PER3: variants seen among roughly 807,000 people sequenced by gnomAD.
PER3 encodes period circadian regulator 3, also known as period circadian protein homolog 3.
A neutral mutation model predicts 127.2 loss-of-function variants in PER3; 107 were observed. The observed-to-expected ratio is 0.84, with a 90% CI of 0.72 to 0.99. The LOEUF (loss-of-function observed/expected upper bound fraction) is 0.99, where lower values mean the gene tolerates loss of function less well. Ranked by LOEUF, PER3 falls within the 50% of genes least tolerant of loss-of-function variation. The pLI is 0.00. For missense variants in PER3, 1,560 were observed against 1,525.8 expected (o/e 1.02, Z -0.37); for synonymous variants, 618 against 585.8 (o/e 1.05, Z -0.79).
At chr1:7,787,475 C>G in intron 4 of PER3, 1 of 464,860 alleles carries the variant, frequency 2.2e-6, no homozygotes, top group Non-Finnish European at 4.2e-6. Flanking sequence ...GTACATAGTA[C>G]TGTAGGAGGT....
chr1:7,798,729 G>A (rs2097157021), intron 7 of PER3, 56 bp downstream of exon 7: 1 of 1,407,932 alleles, frequency 7.1e-7, no homozygotes, highest in African/African-American at 1.4e-5. Flanking sequence ...ACATGGGAAA[G>A]TCTGTTTACG....
chr1:7,803,969 C>A, intron 10 of PER3, 121 bp downstream of exon 10: 2 of 801,314 alleles, frequency 2.5e-6, no homozygotes, highest in Non-Finnish European at 2.0e-6. Context: ...GATTTGTTTT[C>A]GGTGCTTTGG....
chr1:7,812,624 CAAAAAAAAAAAAAA>C (rs35962033), intron 13 of PER3, among the ~76,000 whole-genome samples: 1 of 85,388 alleles, frequency 1.2e-5, no homozygotes, highest in Non-Finnish European at 2.1e-5. Flanking sequence ...GACTCCGTCT[CAAAAAAAAAAAAAA>C]AAAAAAAAAA....
At chr1:7,789,259 TC>T (rs2097107663) in intron 5 of PER3, among the ~76,000 whole-genome samples, 1 of 152,084 alleles carries the variant, frequency 6.6e-6, no homozygotes, top group Admixed American at 6.5e-5. Flanking sequence ...TTTGGCTGTG[TC>T]CCCACCCAAA....
intron 19 of PER3, among the ~76,000 whole-genome samples, chr1:7,833,379 G>T (rs1222760372): frequency 6.6e-5 from 10 of 152,174 alleles, no homozygotes; most frequent in Admixed American, 4.6e-4. Context: ...AGCTATAAAT[G>T]TGAATTTCTC....
intron 1 of PER3, 53 bp from the exon 2 acceptor site, chr1:7,784,601 C>T: frequency 3.3e-6 from 1 of 299,252 alleles, no homozygotes; most frequent in Non-Finnish European, 6.1e-6. Flanking sequence ...GGGCCGCTGG[C>T]GTCGGACTGT....
chr1:7,789,908 TC>T (rs754830375), intron 5 of PER3, among the ~76,000 whole-genome samples: 1 of 152,222 alleles, frequency 6.6e-6, no homozygotes, highest in Non-Finnish European at 1.5e-5. Flanking sequence ...TTATTTCTCA[TC>T]CCCTTTCCTA....
chr1:7,797,108 C>T (rs1179155163), intron 6 of PER3, among the ~76,000 whole-genome samples: 3 of 152,106 alleles, frequency 2.0e-5, no homozygotes, highest in African/African-American at 7.2e-5. Flanking sequence ...TTTGGGTCAT[C>T]AGCGTGTAAA....
At position 7,830,303 on chromosome 1, in the gene PER3, A is replaced by G. The variant is rs1459617669; in HGVS notation, c.3214+142A>G. On this transcript the variant is annotated intron_variant, in intron 19 of 21. Coordinates refer to ENST00000377532, the MANE Select transcript of PER3 (RefSeq NM_001377275.1). Reference sequence around the variant, plus strand: ...TCCCTTTTTCCTTTTTGTCAGGTATATTGGGGTATATTTATACACAATAAA... The same window carrying G: ...TCCCTTTTTCCTTTTTGTCAGGTATGTTGGGGTATATTTATACACAATAAA... 1.7e-5 allele frequency: 12 copies of G among 689,408 alleles called. No individual in the cohort carries two copies. In the South Asian group the frequency reaches 2.3e-4, roughly 13 times the overall value. 42.7% of individuals were successfully genotyped at this position (689,408 alleles called of 1,614,324 possible). A position where few individuals can be genotyped will look rare whatever the true frequency, so the allele number is the denominator to read the frequency against.
chr1:7,831,820 G>A (rs763927541), intron 19 of PER3, among the ~76,000 whole-genome samples: 36 of 152,258 alleles, frequency 2.4e-4, no homozygotes, highest in Middle Eastern at 3.4e-3. Flanking sequence ...GCATCTCTGT[G>A]CAGAATATTG....
intron 4 of PER3, chr1:7,787,065 A>G: frequency 2.3e-6 from 1 of 436,592 alleles, no homozygotes; most frequent in South Asian, 4.0e-5. Flanking sequence ...GACTTTGGTT[A>G]TGAGGTGCTT....
intron 20 of PER3, chr1:7,836,772 C>G (rs1296526588): frequency 1.1e-5 from 4 of 372,802 alleles, no homozygotes; most frequent in Non-Finnish European, 1.9e-5. Flanking sequence ...AGGGAAATCT[C>G]TTTCTTCCAT....
chr1:7,784,540 G>A (rs1326787240), intron 1 of PER3, 114 bp from the exon 2 acceptor site: 2 of 186,710 alleles, frequency 1.1e-5, no homozygotes. Flanking sequence ...CGGCGCGCGG[G>A]AAAGTTGGGG....
intron 6 of PER3, 86 bp downstream of exon 6, chr1:7,794,094 C>A: frequency 1.9e-6 from 2 of 1,071,962 alleles, no homozygotes; most frequent in Non-Finnish European, 1.5e-6. Flanking sequence ...GTGTATTCAG[C>A]TCACTTCTGT....
chr1:7,836,807 A>G (rs2097360718), intron 20 of PER3, 192 bp from the exon 21 acceptor site: 2 of 484,326 alleles, frequency 4.1e-6, no homozygotes, highest in Middle Eastern at 5.5e-4. Context: ...CATCATATAG[A>G]TATTTTCCAC....
intron 21 of PER3, among the ~76,000 whole-genome samples, chr1:7,839,116 A>C (rs544786941): frequency 6.6e-6 from 1 of 151,870 alleles, no homozygotes; most frequent in African/African-American, 2.4e-5. Context: ...TTGTGTAGCT[A>C]TTTTCATTGC....
In PER3 at chr1:7,827,535, T is replaced by G; in HGVS notation, c.2606T>G (p.Leu869Trp). The change falls in exon 18 of 22, where the codon TTG becomes TGG. Residue 869 changes from leucine to tryptophan, a missense_variant. Transcript: ENST00000377532. ...FLPDPPVCPL[L>W]SPSFLPCPFL... is the part of the protein sequence containing the mutation. ...CCTGACCCCCCTGTCTGTCCTCTGT[T>G]GTCGCCATCGTTTTTGCCATGTCCA... 6.2e-7 allele frequency: 1 copy of G among 1,614,216 alleles called. No homozygotes were observed. The highest frequency in any genetic ancestry group is 1.1e-5 in the South Asian group (1 of 91,088).
At chr1:7,841,244 A>G (rs2097386313) in intron 21 of PER3, among the ~76,000 whole-genome samples, 1 of 151,968 alleles carries the variant, frequency 6.6e-6, no homozygotes, top group South Asian at 2.1e-4. Context: ...AGGGGGTCGC[A>G]CAAGCTGGGG....
At chr1:7,839,667 G>C (rs1342197813) in intron 21 of PER3, among the ~76,000 whole-genome samples, 1 of 152,124 alleles carries the variant, frequency 6.6e-6, no homozygotes, top group African/African-American at 2.4e-5. Flanking sequence ...TTTCTTAGTT[G>C]ACAGTTTTTT....
Sources: allele counts gnomAD v4.1 joint callset (sites outside exome capture counted in the v4.1 genomes callset), GRCh38; gene constraint gnomAD v4.1.1; transcripts MANE v1.5; gene names NCBI Gene and HGNC (gene_info 2026-07-23, HGNC 2026-07-21).